WDFY3: variants seen among roughly 807,000 people sequenced by gnomAD.
WDFY3 encodes WD repeat and FYVE domain containing 3.
A neutral mutation model predicts 409.6 loss-of-function variants in WDFY3; 66 were observed. That is an observed-to-expected ratio of 0.16 (90% CI 0.13 to 0.20). The LOEUF (loss-of-function observed/expected upper bound fraction) is 0.20, where lower values mean the gene tolerates loss of function less well. Ranked by LOEUF, WDFY3 falls within the 10% of genes least tolerant of loss-of-function variation. The pLI is 1.00. For synonymous variants in WDFY3, 1,521 were observed against 1,537.1 expected (o/e 0.99, Z 0.25); for missense variants, 3,031 against 4,298.1 (o/e 0.71, Z 8.24).
At chr4:84,799,233 T>C (rs1310977529) in intron 17 of WDFY3, among the ~76,000 whole-genome samples, 1 of 152,044 alleles carries the variant, frequency 6.6e-6, no homozygotes, top group Non-Finnish European at 1.5e-5. Context: ...CATAGCTCAC[T>C]GCAATCTCAA....
intron 17 of WDFY3, 85 bp downstream of exon 17, chr4:84,801,565 A>G (rs1474530326): frequency 1.1e-5 from 15 of 1,426,098 alleles, no homozygotes; most frequent in Non-Finnish European, 1.4e-5. Context: ...ATATATGTCC[A>G]TTAAGGCAGG....
At chr4:84,898,637 C>A (rs1460034042) in intron 2 of WDFY3, among the ~76,000 whole-genome samples, 2 of 152,116 alleles carry the variant, frequency 1.3e-5, no homozygotes, top group African/African-American at 4.8e-5. Flanking sequence ...TAAATCATAA[C>A]CAGAAAAATA....
intron 2 of WDFY3, among the ~76,000 whole-genome samples, chr4:84,921,442 T>TA (rs1769258506): frequency 6.6e-6 from 1 of 152,020 alleles, no homozygotes; most frequent in South Asian, 2.1e-4. Context: ...TGTCTAGTGT[T>TA]AAAATGTTAG....
In WDFY3 at chr4:84,690,586, T is replaced by A; in HGVS notation, c.9283A>T (p.Thr3095Ser). The A allele has an allele frequency of 6.2e-7, 1 of 1,614,188 alleles. No homozygotes were observed. Among genetic ancestry groups the A allele is most frequent in the South Asian group, 1.1e-5 (1 of 91,084 alleles). The change falls in exon 61 of 68, where the codon ACG becomes TCG. Residue 3095 changes from threonine (T) to serine (S), a missense_variant. Physicochemically the swap from Thr to Ser is moderately conservative, Grantham distance 58 (BLOSUM62 1). Around this residue, in one of 16 missense-constraint regions of WDFY3, gnomAD observed 152 missense variants for 193.5 expected, o/e 0.79. Coordinates refer to ENST00000295888, the MANE Select transcript of WDFY3 (RefSeq NM_014991.6). ...AICPNPKLVI[T>S]GGTSTVVCVW... ...CACACAACCGTGCTTGTTCCACCCG[T>A]GATGACCAGCTTGGGGTTGGGGCAG...
chr4:84,941,201 A>C (rs1040984284), intron 1 of WDFY3, among the ~76,000 whole-genome samples: 38 of 152,060 alleles, frequency 2.5e-4, no homozygotes, highest in African/African-American at 8.7e-4. Context: ...AGGCAGCATG[A>C]TTATATATAT....
chr4:84,852,590 A>C (rs372360048), intron 4 of WDFY3, among the ~76,000 whole-genome samples: 59 of 152,326 alleles, frequency 3.9e-4, no homozygotes, highest in Middle Eastern at 6.8e-3. Flanking sequence ...TAGTCTGTTC[A>C]ATAGTTTGAC....
intron 13 of WDFY3, among the ~76,000 whole-genome samples, chr4:84,813,309 A>G (rs142193475): frequency 1.3e-5 from 2 of 152,284 alleles, no homozygotes; most frequent in African/African-American, 4.8e-5. Context: ...CCGGCTCTCA[A>G]GAGGTCAAGT....
intron 3 of WDFY3, among the ~76,000 whole-genome samples, chr4:84,865,480 T>A (rs1222217189): frequency 6.6e-6 from 1 of 152,196 alleles, no homozygotes; most frequent in East Asian, 1.9e-4. Context: ...AATATCTGAT[T>A]GGGTGGCCAA....
At chr4:84,887,124 T>C (rs1045978551) in intron 3 of WDFY3, among the ~76,000 whole-genome samples, 9 of 152,126 alleles carry the variant, frequency 5.9e-5, no homozygotes, top group Non-Finnish European at 8.8e-5. Flanking sequence ...AAGATAGACA[T>C]GATATCTGAC....
At chr4:84,962,175 T>C (rs1386032473) in intron 1 of WDFY3, among the ~76,000 whole-genome samples, 3 of 152,262 alleles carry the variant, frequency 2.0e-5, no homozygotes, top group African/African-American at 7.2e-5. Flanking sequence ...GAGCCCATTG[T>C]TAAATTTTCA....
chr4:84,878,481 T>C (rs1329445758), intron 3 of WDFY3, among the ~76,000 whole-genome samples: 3 of 152,192 alleles, frequency 2.0e-5, no homozygotes, highest in Non-Finnish European at 2.9e-5. Flanking sequence ...AAATAGATGT[T>C]GGCTTCTTCA....
chr4:84,860,680 G>C (rs1388458387), intron 3 of WDFY3, 58 bp from the exon 4 acceptor site: 4 of 1,366,388 alleles, frequency 2.9e-6, no homozygotes, highest in Non-Finnish European at 3.8e-6. Context: ...ACTAGGTCAA[G>C]CATGCATGTA....
chr4:84,899,276 T>A (rs1253110525), intron 2 of WDFY3, among the ~76,000 whole-genome samples: 1 of 151,966 alleles, frequency 6.6e-6, no homozygotes, highest in Non-Finnish European at 1.5e-5. Context: ...CACACAAGAA[T>A]ATGAAAAAAG....
At chr4:84,776,350 T>G (rs1745545734) in intron 27 of WDFY3, among the ~76,000 whole-genome samples, 1 of 152,062 alleles carries the variant, frequency 6.6e-6, no homozygotes, top group Non-Finnish European at 1.5e-5. Flanking sequence ...GTAAATTAGG[T>G]ATTTATAGAC....
At chr4:84,784,542 TA>T (rs921870935) in intron 24 of WDFY3, among the ~76,000 whole-genome samples, 1 of 151,900 alleles carries the variant, frequency 6.6e-6, no homozygotes, top group Admixed American at 6.6e-5. Context: ...GGTCAACTTT[TA>T]AAATATACCT....
chr4:84,756,586 C>CAAATA (rs143555953), intron 33 of WDFY3, among the ~76,000 whole-genome samples: 36,270 of 128,788 alleles, frequency 0.28, 6,212 homozygotes, highest in East Asian at 0.4. Context: ...CTCTGTCTCA[C>CAAATA]AAATAAAATA....
chr4:84,938,535 C>T (rs1429458648), intron 1 of WDFY3, among the ~76,000 whole-genome samples: 2 of 152,140 alleles, frequency 1.3e-5, no homozygotes, highest in African/African-American at 4.8e-5. Context: ...AGGGCCGTAA[C>T]ACCAGCACAC....
chr4:84,754,904 A>T (rs1741171933), intron 34 of WDFY3, among the ~76,000 whole-genome samples: 1 of 152,178 alleles, frequency 6.6e-6, no homozygotes, highest in Admixed American at 6.6e-5. Context: ...TGTATCAGCC[A>T]TGTTTATAAG....
chr4:84,690,470 T>C (rs973707393), intron 61 of WDFY3, 36 bp downstream of exon 61: 2 of 1,613,860 alleles, frequency 1.2e-6, no homozygotes, highest in Admixed American at 1.7e-5. Context: ...GGAGATGGAC[T>C]ATGTCCTTCT....
Sources: gnomAD v4.1 joint callset for allele counts (sites outside exome capture counted in the v4.1 genomes callset) on GRCh38, gnomAD v4.1.1 for gene constraint, gnomAD v4.1.1 regional missense constraint, MANE v1.5 for transcripts, NCBI Gene and HGNC (gene_info 2026-07-23, HGNC 2026-07-21) for gene names.